The following MNAT1 variants were observed in gnomAD, a reference collection of about 807,000 sequenced individuals.
The protein encoded by MNAT1 is CDK-activating kinase assembly factor MAT1.
Under a neutral mutation model 42.0 loss-of-function variants are expected in MNAT1, and 43 were observed. The ratio of observed to expected loss-of-function variants is 1.02; its 90% CI spans 0.80 to 1.32. MNAT1 has a LOEUF of 1.32. MNAT1 is among the 40% of genes most tolerant of loss of function. MNAT1 has a pLI of 0.00. For synonymous variants in MNAT1, 118 were observed against 120.0 expected (o/e 0.98, Z 0.11); for missense variants, 306 against 350.4 (o/e 0.87, Z 1.01).
intron 1 of MNAT1, among the ~76,000 whole-genome samples, chr14:60,763,342 T>A (rs1006354629): frequency 2.6e-5 from 4 of 151,904 alleles, no homozygotes; most frequent in African/African-American, 9.7e-5. Flanking sequence ...TAAAGTGGAG[T>A]GGTTTATTAT....
intron 1 of MNAT1, among the ~76,000 whole-genome samples, chr14:60,792,995 T>A (rs2031875606): frequency 6.6e-6 from 1 of 151,990 alleles, no homozygotes. Flanking sequence ...GAACTAGCAA[T>A]TATCAACTAC....
intron 3 of MNAT1, among the ~76,000 whole-genome samples, chr14:60,803,481 T>G (rs1348742944): frequency 3.9e-5 from 6 of 152,142 alleles, no homozygotes; most frequent in Non-Finnish European, 5.9e-5. Flanking sequence ...ACAGAGAGCT[T>G]AAGTATTGTG....
At position 60,855,173 on chromosome 14, in the gene MNAT1, C is replaced by T. The variant is rs571147391; in HGVS notation, c.688-24541C>T. Among the ~76,000 whole-genome samples the T allele has an allele frequency of 3.3e-5, 5 of 152,276 alleles. No homozygotes were observed. The East Asian group carries it at 7.7e-4, about 24-fold the overall frequency. ...CAGATACCTCTCCCCGCACCAAGCT[C>T]GACTGACCTAGGTTGACTTCACACT... is the stretch of plus-strand genomic sequence containing the variant. On this transcript the variant is annotated intron_variant, in intron 6 of 7. Transcript: ENST00000261245.
intron 7 of MNAT1, among the ~76,000 whole-genome samples, chr14:60,926,407 A>G (rs1390005164): frequency 5.3e-5 from 8 of 152,332 alleles, no homozygotes; most frequent in African/African-American, 1.9e-4. Flanking sequence ...TCCACTTCAG[A>G]TGCCAGTCAC....
At chr14:60,759,407 T>G (rs1156646784) in intron 1 of MNAT1, among the ~76,000 whole-genome samples, 3 of 152,148 alleles carry the variant, frequency 2.0e-5, no homozygotes, top group Non-Finnish European at 4.4e-5. Context: ...GCATTTAAAT[T>G]AAAACAAAAC....
At chr14:60,903,829 T>A (rs2035125574) in intron 7 of MNAT1, among the ~76,000 whole-genome samples, 2 of 151,986 alleles carry the variant, frequency 1.3e-5, no homozygotes, top group Admixed American at 1.3e-4. Flanking sequence ...GTTGTTTCAT[T>A]TAAGTTTTGT....
At chr14:60,960,843 G>A (rs2036574207) in intron 7 of MNAT1, among the ~76,000 whole-genome samples, 1 of 152,086 alleles carries the variant, frequency 6.6e-6, no homozygotes, top group East Asian at 1.9e-4. Context: ...CATCAAGCCT[G>A]GACTAGAGAA....
intron 7 of MNAT1, among the ~76,000 whole-genome samples, chr14:60,892,530 T>C (rs573657396): frequency 1.1e-4 from 16 of 152,288 alleles, no homozygotes; most frequent in African/African-American, 3.8e-4. Context: ...ATCATGGTTT[T>C]ATTTATTTTT....
intron 1 of MNAT1, among the ~76,000 whole-genome samples, chr14:60,754,903 A>T (rs2030270391): frequency 6.6e-6 from 1 of 152,216 alleles, no homozygotes; most frequent in Non-Finnish European, 1.5e-5. Context: ...CAATTTGAGA[A>T]ACTAATTCTT....
At chr14:60,746,531 G>GA (rs1331462449) in intron 1 of MNAT1, among the ~76,000 whole-genome samples, 3 of 150,136 alleles carry the variant, frequency 2.0e-5, no homozygotes, top group Non-Finnish European at 4.5e-5. Context: ...AAAAAAAGAA[G>GA]AAAAAATCAG....
chr14:60,773,531 G>A (rs1388700761), intron 1 of MNAT1, among the ~76,000 whole-genome samples: 1 of 152,098 alleles, frequency 6.6e-6, no homozygotes, highest in Non-Finnish European at 1.5e-5. Flanking sequence ...ATATCAATTG[G>A]GGTTTGGTCA....
intron 1 of MNAT1, among the ~76,000 whole-genome samples, chr14:60,753,308 G>T (rs556753022): frequency 6.6e-6 from 1 of 152,230 alleles, no homozygotes; most frequent in South Asian, 2.1e-4. Flanking sequence ...TTTGAAGTGT[G>T]TGTCCACTTA....
At chr14:60,946,601 T>C (rs1435513236) in intron 7 of MNAT1, among the ~76,000 whole-genome samples, 1 of 152,152 alleles carries the variant, frequency 6.6e-6, no homozygotes, top group African/African-American at 2.4e-5. Context: ...CTAAAGTTAT[T>C]GTGTGAAGTC....
chr14:60,876,830 C>A (rs8011093), intron 6 of MNAT1, among the ~76,000 whole-genome samples: 140,101 of 152,074 alleles, frequency 0.92, 65,114 homozygotes, highest in Non-Finnish European at 0.99. Context: ...TTCATTTATT[C>A]CTTGATGGAC....
intron 6 of MNAT1, among the ~76,000 whole-genome samples, chr14:60,843,239 A>G (rs1279616518): frequency 6.6e-6 from 1 of 152,092 alleles, no homozygotes; most frequent in Non-Finnish European, 1.5e-5. Flanking sequence ...TGGAGAACTA[A>G]TGGTTTTCAG....
At chr14:60,890,151 C>G (rs1242856793) in intron 7 of MNAT1, among the ~76,000 whole-genome samples, 1 of 152,144 alleles carries the variant, frequency 6.6e-6, no homozygotes, top group African/African-American at 2.4e-5. Context: ...CACATGCACA[C>G]ATATGTTTAT....
intron 1 of MNAT1, among the ~76,000 whole-genome samples, chr14:60,789,560 G>A (rs890451111): frequency 3.3e-5 from 5 of 152,152 alleles, no homozygotes; most frequent in African/African-American, 1.2e-4. Flanking sequence ...GTAATTGTCA[G>A]TTCTCCCAGT....
intron 3 of MNAT1, among the ~76,000 whole-genome samples, chr14:60,802,166 G>A (rs960047305): frequency 6.6e-6 from 1 of 152,100 alleles, no homozygotes; most frequent in Admixed American, 6.5e-5. Flanking sequence ...AGTTAATCAG[G>A]TAAACATTGG....
At chr14:60,895,085 A>G (rs2034923662) in intron 7 of MNAT1, among the ~76,000 whole-genome samples, 1 of 152,180 alleles carries the variant, frequency 6.6e-6, no homozygotes, top group Non-Finnish European at 1.5e-5. Context: ...TTCTATACAG[A>G]GGACTTTAGT....
Sources: allele counts gnomAD v4.1 joint callset (sites outside exome capture counted in the v4.1 genomes callset), GRCh38; gene constraint gnomAD v4.1.1; transcripts MANE v1.5; gene names NCBI Gene and HGNC (gene_info 2026-07-23, HGNC 2026-07-21).